TSHZ2: variants seen among roughly 807,000 people sequenced by gnomAD.
TSHZ2 encodes the protein teashirt zinc finger homeobox 2, also known as teashirt homolog 2.
TSHZ2 carries 21 observed loss-of-function variants against 74.4 expected under a neutral mutation model. The observed-to-expected ratio is 0.28, with a 90% CI of 0.20 to 0.41. The LOEUF is 0.41. Among genes scored for constraint, TSHZ2 ranks in the 10% least tolerant of loss-of-function variants. The probability of loss-of-function intolerance (pLI) is 1.00; values close to 1 mark genes in which losing one functional copy is unlikely to be tolerated. For synonymous variants in TSHZ2, 540 were observed against 515.3 expected (o/e 1.05, Z -0.65); for missense variants, 1,244 against 1,293.5 (o/e 0.96, Z 0.59).
At chr20:53,301,935 T>C (rs1342911055) in intron 2 of TSHZ2, among the ~76,000 whole-genome samples, 1 of 152,024 alleles carries the variant, frequency 6.6e-6, no homozygotes, top group Non-Finnish European at 1.5e-5. Flanking sequence ...TTTAAATCAG[T>C]TTTGAGAACT....
chr20:53,118,248 G>A (rs1486135928), intron 1 of TSHZ2, among the ~76,000 whole-genome samples: 2 of 152,032 alleles, frequency 1.3e-5, no homozygotes, highest in Non-Finnish European at 2.9e-5. Flanking sequence ...GATAAATTTT[G>A]TAAGAAACAA....
At chr20:53,032,340 C>A (rs1208402029) in intron 1 of TSHZ2, among the ~76,000 whole-genome samples, 1 of 152,164 alleles carries the variant, frequency 6.6e-6, no homozygotes, top group Non-Finnish European at 1.5e-5. Flanking sequence ...TCCCATAGCC[C>A]CCATAACCTT....
At chr20:53,225,612 C>A (rs527543612) in intron 1 of TSHZ2, among the ~76,000 whole-genome samples, 5 of 152,360 alleles carry the variant, frequency 3.3e-5, no homozygotes, top group African/African-American at 9.6e-5. Context: ...TTCAAATCTT[C>A]GCAACTCCGC....
chr20:53,051,451 G>GCACACACA (rs1289924266), intron 1 of TSHZ2, among the ~76,000 whole-genome samples: 1 of 87,494 alleles, frequency 1.1e-5, no homozygotes, highest in Non-Finnish European at 2.4e-5. Flanking sequence ...TTACTCTGTG[G>GCACACACA]CGCACGCACA....
chr20:53,173,938 C>T (rs1988262601), intron 1 of TSHZ2, among the ~76,000 whole-genome samples: 1 of 152,064 alleles, frequency 6.6e-6, no homozygotes, highest in African/African-American at 2.4e-5. Context: ...CCATGTGATA[C>T]TTTTAATTTT....
chr20:53,203,266 C>T (rs1035112715), intron 1 of TSHZ2, among the ~76,000 whole-genome samples: 5 of 149,738 alleles, frequency 3.3e-5, no homozygotes, highest in Non-Finnish European at 7.4e-5. Flanking sequence ...ACGATCTCGG[C>T]TCACTGCAAC....
chr20:53,312,425 T>C (rs1351218992), intron 2 of TSHZ2, among the ~76,000 whole-genome samples: 4 of 152,212 alleles, frequency 2.6e-5, no homozygotes, highest in African/African-American at 9.7e-5. Context: ...ATGGCAGTGA[T>C]TGTTCCCTTA....
At chr20:53,326,585 C>T (rs1328329441) in intron 2 of TSHZ2, among the ~76,000 whole-genome samples, 1 of 152,166 alleles carries the variant, frequency 6.6e-6, no homozygotes, top group African/African-American at 2.4e-5. Context: ...CCCCGGCAAC[C>T]ACCTCCCAAT....
chr20:53,480,069 G>GTT (rs71194484), intron 2 of TSHZ2, among the ~76,000 whole-genome samples: 8 of 127,672 alleles, frequency 6.3e-5, no homozygotes, highest in Non-Finnish European at 8.1e-5. Flanking sequence ...CCAGGTTTTT[G>GTT]TTTTTTTTTT....
intron 1 of TSHZ2, among the ~76,000 whole-genome samples, chr20:53,091,639 C>T (rs1415914984): frequency 6.6e-6 from 1 of 152,178 alleles, no homozygotes; most frequent in South Asian, 2.1e-4. Context: ...TCACGACTTC[C>T]TGTCCAAAAG....
At chr20:53,187,432 A>C (rs1257077783) in intron 1 of TSHZ2, among the ~76,000 whole-genome samples, 1 of 152,218 alleles carries the variant, frequency 6.6e-6, no homozygotes, top group East Asian at 1.9e-4. Flanking sequence ...TCGAGCTTTG[A>C]TAAATGGCTA....
At chr20:53,209,942 T>TG (rs1322239641) in intron 1 of TSHZ2, among the ~76,000 whole-genome samples, 1 of 152,190 alleles carries the variant, frequency 6.6e-6, no homozygotes, top group Non-Finnish European at 1.5e-5. Context: ...TCCTAGGCAG[T>TG]GGCAACCACT....
chr20:53,259,826 G>T (rs1036637996), intron 2 of TSHZ2, among the ~76,000 whole-genome samples: 12 of 152,150 alleles, frequency 7.9e-5, no homozygotes, highest in African/African-American at 2.4e-4. Context: ...AATATTCATT[G>T]TTTATCAGAA....
At chr20:53,268,047 G>A (rs1990754694) in intron 2 of TSHZ2, among the ~76,000 whole-genome samples, 1 of 152,194 alleles carries the variant, frequency 6.6e-6, no homozygotes, top group Non-Finnish European at 1.5e-5. Flanking sequence ...GAGGCTCAGT[G>A]TGCAAGACAG....
chr20:52,985,973 A>G (rs1473710403), intron 1 of TSHZ2, among the ~76,000 whole-genome samples: 1 of 152,196 alleles, frequency 6.6e-6, no homozygotes, highest in African/African-American at 2.4e-5. Context: ...TACCATTTCA[A>G]TGCCTCTGGT....
intron 2 of TSHZ2, among the ~76,000 whole-genome samples, chr20:53,269,932 C>T (rs1990800193): frequency 1.3e-5 from 2 of 152,132 alleles, no homozygotes; most frequent in South Asian, 4.1e-4. Context: ...TTCTTTTAAT[C>T]CTTTTTTATA....
intron 2 of TSHZ2, chr20:53,397,558 G>T (rs553310424): frequency 2.2e-4 from 33 of 152,320 alleles, no homozygotes; most frequent in African/African-American, 7.7e-4. Context: ...CATTGTGGAA[G>T]ACAGTGTGGC....
intron 2 of TSHZ2, among the ~76,000 whole-genome samples, chr20:53,307,982 G>T (rs529861260): frequency 6.6e-6 from 1 of 152,236 alleles, no homozygotes; most frequent in South Asian, 2.1e-4. Flanking sequence ...TCTCTCACTG[G>T]ACAGAGAAGG....
chr20:53,249,794 C>CT (rs1360280087), intron 1 of TSHZ2, among the ~76,000 whole-genome samples: 1 of 152,142 alleles, frequency 6.6e-6, no homozygotes, highest in East Asian at 1.9e-4. Context: ...GTAGACCATG[C>CT]TAAGGGTTGA....
Sources: allele counts gnomAD v4.1 joint callset (sites outside exome capture counted in the v4.1 genomes callset), GRCh38; gene constraint gnomAD v4.1.1; transcripts MANE v1.5; gene names NCBI Gene and HGNC (gene_info 2026-07-23, HGNC 2026-07-21).